The following ALK variants were observed in gnomAD, a reference collection of about 807,000 sequenced individuals.
ALK encodes ALK receptor tyrosine kinase.
In ALK, 74 loss-of-function variants were observed where a neutral mutation model predicts 163.1. The ratio of observed to expected loss-of-function variants is 0.45; its 90% confidence interval spans 0.38 to 0.55. The LOEUF is 0.55. Among genes scored for constraint, ALK ranks in the 20% least tolerant of loss-of-function variants. The pLI is 0.00. For missense variants in ALK, 2,063 were observed against 2,105.3 expected (o/e 0.98, Z 0.39); for synonymous variants, 960 against 843.2 (o/e 1.14, Z -2.40).
chr2:29,360,014 C>A (rs1668351125), intron 5 of ALK, among the ~76,000 whole-genome samples: 1 of 152,236 alleles, frequency 6.6e-6, no homozygotes, highest in Admixed American at 6.5e-5. Flanking sequence ...TAGAAGTGGG[C>A]AGGCCTCAGT....
In ALK at chr2:29,424,256, A is replaced by T. The variant is rs76667677; in HGVS notation, c.1155-40397T>A. On this transcript the variant is annotated intron_variant, in intron 4 of 28. Transcript: ENST00000389048. Reference sequence around the variant, plus strand: ...AATCATGATATGAATGGCTTATCTAACCTGACTTTCTTAACAATACAATAT... The same window carrying T: ...AATCATGATATGAATGGCTTATCTATCCTGACTTTCTTAACAATACAATAT... Among the ~76,000 whole-genome samples the T allele has an allele frequency of 1.3e-3, 200 of 152,300 alleles. 4 individuals are homozygous for T. The East Asian group carries it at 0.037, about 28-fold the overall frequency.
chr2:29,633,655 C>G (rs1002558800), intron 3 of ALK, among the ~76,000 whole-genome samples: 1 of 151,672 alleles, frequency 6.6e-6, no homozygotes, highest in African/African-American at 2.4e-5. Context: ...AAGATCAATA[C>G]AATTAACATA....
chr2:29,897,502 T>A (rs1021077107), intron 1 of ALK, among the ~76,000 whole-genome samples: 45 of 151,788 alleles, frequency 3.0e-4, no homozygotes, highest in African/African-American at 1.0e-3. Flanking sequence ...GACATCAGAG[T>A]GGGAGGTGGT....
chr2:29,348,300 GTGTC>G (rs1668013032), intron 5 of ALK, among the ~76,000 whole-genome samples: 1 of 152,204 alleles, frequency 6.6e-6, no homozygotes. Context: ...TGAATGAACT[GTGTC>G]TGTAAAGTGC....
intron 5 of ALK, among the ~76,000 whole-genome samples, chr2:29,362,241 T>A (rs1001393515): frequency 6.6e-6 from 1 of 152,130 alleles, no homozygotes; most frequent in Non-Finnish European, 1.5e-5. Context: ...TGGGAAGAAG[T>A]TCTGGAAGTT....
chr2:29,524,175 A>G (rs971824854), intron 4 of ALK, among the ~76,000 whole-genome samples: 1 of 152,196 alleles, frequency 6.6e-6, no homozygotes, highest in African/African-American at 2.4e-5. Context: ...ACTAGCTTCA[A>G]TTGATATGTT....
At chr2:29,893,948 C>A (rs1667207394) in intron 1 of ALK, among the ~76,000 whole-genome samples, 1 of 152,110 alleles carries the variant, frequency 6.6e-6, no homozygotes, top group African/African-American at 2.4e-5. Context: ...GGACAAAATT[C>A]AGTAGTTCTA....
intron 24 of ALK, among the ~76,000 whole-genome samples, chr2:29,213,731 C>A (rs1669522804): frequency 6.6e-6 from 1 of 152,276 alleles, no homozygotes. Flanking sequence ...TGCCTGAAAT[C>A]CTAGCATTTC....
At chr2:29,321,720 G>A (rs1414521795) in intron 6 of ALK, among the ~76,000 whole-genome samples, 1 of 149,352 alleles carries the variant, frequency 6.7e-6, no homozygotes, top group Non-Finnish European at 1.5e-5. Flanking sequence ...CACCCTCATT[G>A]GACGGGTACT....
intron 1 of ALK, among the ~76,000 whole-genome samples, chr2:29,794,725 A>G (rs1042215879): frequency 1.3e-5 from 2 of 152,172 alleles, no homozygotes; most frequent in Non-Finnish European, 2.9e-5. Context: ...GCACACAATT[A>G]TTGAATAACT....
intron 1 of ALK, among the ~76,000 whole-genome samples, chr2:29,732,078 T>G (rs184740561): frequency 6.6e-6 from 1 of 152,344 alleles, no homozygotes; most frequent in Admixed American, 6.5e-5. Context: ...AGAATATTGC[T>G]GTAACATATC....
At chr2:29,847,559 A>G (rs986425891) in intron 1 of ALK, among the ~76,000 whole-genome samples, 1 of 152,180 alleles carries the variant, frequency 6.6e-6, no homozygotes, top group Admixed American at 6.5e-5. Context: ...ATTTTTCACT[A>G]AAGCCTAAAT....
intron 1 of ALK, among the ~76,000 whole-genome samples, chr2:29,906,257 T>C (rs1460138754): frequency 6.6e-6 from 1 of 152,224 alleles, no homozygotes; most frequent in African/African-American, 2.4e-5. Context: ...TCATTATATA[T>C]TTATTTGTTC....
intron 9 of ALK, among the ~76,000 whole-genome samples, chr2:29,295,106 A>G (rs954305415): frequency 1.3e-5 from 2 of 152,204 alleles, no homozygotes; most frequent in Admixed American, 6.5e-5. Context: ...GTCACAAGGC[A>G]TCATCAAACC....
intron 5 of ALK, among the ~76,000 whole-genome samples, chr2:29,370,952 A>C (rs1668624047): frequency 6.6e-6 from 1 of 152,238 alleles, no homozygotes; most frequent in African/African-American, 2.4e-5. Context: ...GGAATTAGTT[A>C]ATGTTTGTTA....
Position 29,373,039 on chromosome 2 carries a change from G to T in ALK, c.1282+10693C>A, listed in dbSNP as rs146300099. On this transcript the variant is annotated intron_variant, in intron 5 of 28. Transcript: ENST00000389048. Reference sequence around the variant, plus strand: ...CAGAGAGCTCTTAGCGACCTAAAGAGAAAACATCTTCCCAAGCCCCTTCCC... The same window carrying T: ...CAGAGAGCTCTTAGCGACCTAAAGATAAAACATCTTCCCAAGCCCCTTCCC... Among the ~76,000 whole-genome samples, 956 of 152,192 alleles carry T rather than the reference G, an allele frequency of 6.3e-3. 11 individuals are homozygous for T. Among genetic ancestry groups the T allele is most frequent in the African/African-American group, 0.021 (868 of 41,522 alleles).
intron 1 of ALK, among the ~76,000 whole-genome samples, chr2:29,762,276 G>C (rs1162342595): frequency 6.6e-6 from 1 of 152,126 alleles, no homozygotes; most frequent in East Asian, 1.9e-4. Flanking sequence ...ACATTATGAA[G>C]CCTGTCAGAA....
intron 3 of ALK, among the ~76,000 whole-genome samples, chr2:29,588,728 A>G (rs1674963244): frequency 6.6e-6 from 1 of 152,236 alleles, no homozygotes. Flanking sequence ...ACAATATGTA[A>G]GCAAATGAGT....
rs1664800342 is a variant in ALK at position 29,251,012 on chromosome 2, C to T, written c.2204+93G>A. On this transcript the variant is annotated intron_variant, in intron 12 of 28. Transcript: ENST00000389048. ...CTGTTGCCTTTGAACCTTGACATGC[C>T]TGGGCACCCCAGGAACATGCACCCA... 5.1e-6 allele frequency: 7 copies of T among 1,374,392 alleles called. No homozygotes were observed. In the Admixed American group the frequency reaches 1.3e-4, roughly 25 times the overall value. The allele number at this position is 1,374,392 out of a possible 1,614,324, so 85.1% of individuals were successfully genotyped here. A position where few individuals can be genotyped will look rare whatever the true frequency, so the allele number is the denominator to read the frequency against.
Sources: allele counts gnomAD v4.1 joint callset (sites outside exome capture counted in the v4.1 genomes callset), GRCh38; gene constraint gnomAD v4.1.1; transcripts MANE v1.5; gene names NCBI Gene and HGNC (gene_info 2026-07-23, HGNC 2026-07-21).